Variants in ARMH1 observed in about 807,000 individuals in gnomAD.
The protein encoded by ARMH1 is armadillo-like helical domain containing protein 1.
Under a neutral mutation model 50.2 loss-of-function variants are expected in ARMH1, and 34 were observed. That is an observed-to-expected ratio of 0.68 (90% CI 0.51 to 0.90). The LOEUF is 0.90. ARMH1 is among the 40% of genes least tolerant of loss of function. The pLI is 0.00. For synonymous variants in ARMH1, 221 were observed against 224.2 expected (o/e 0.99, Z 0.13); for missense variants, 538 against 553.9 (o/e 0.97, Z 0.29).
intron 1 of ARMH1, among the ~76,000 whole-genome samples, chr1:44,676,402 A>G (rs1477374367): frequency 6.6e-6 from 1 of 152,200 alleles, no homozygotes; most frequent in Non-Finnish European, 1.5e-5. Flanking sequence ...AGCCACACCA[A>G]TAGATTTGTT....
intron 4 of ARMH1, 78 bp from the exon 5 acceptor site, chr1:44,700,845 A>G: frequency 7.9e-7 from 1 of 1,267,186 alleles, no homozygotes; most frequent in Non-Finnish European, 1.1e-6. Flanking sequence ...TTTTAATCCT[A>G]TTCATATTAT....
intron 6 of ARMH1, among the ~76,000 whole-genome samples, chr1:44,707,897 A>G (rs748989559): frequency 1.5e-4 from 23 of 152,362 alleles, no homozygotes; most frequent in Non-Finnish European, 2.8e-4. Context: ...GGATCATGTG[A>G]TAACAATGAA....
In ARMH1 at chr1:44,709,911, G is replaced by A. The variant is rs1000542082; in HGVS notation, c.724+5738G>A. 1.4e-4 allele frequency among the ~76,000 whole-genome samples: 22 copies of A among 152,246 alleles called. 1 individual carries two copies. The highest frequency in any genetic ancestry group is 1.3e-3 in the Admixed American group (20 of 15,292). ...TCCATGGTAAAATGGAACTGTTTAT[G>A]AATTTGGAAAATGGTCATTTGTAGA... is the stretch of plus-strand genomic sequence containing the variant. On this transcript the variant is annotated intron_variant, in intron 6 of 11. Transcript: ENST00000535358.
At chr1:44,721,782 A>C (rs186971141) in intron 6 of ARMH1, 128 of 152,240 alleles carry the variant, frequency 8.4e-4, no homozygotes, top group African/African-American at 2.6e-3. Flanking sequence ...GTAACAGAAC[A>C]TTCAGCCTTG....
intron 1 of ARMH1, chr1:44,689,144 A>AG (rs1645572456): frequency 6.5e-6 from 1 of 154,092 alleles, no homozygotes; most frequent in South Asian, 2.0e-4. Context: ...GCTCACTGCA[A>AG]CCCGCCTCCC....
At chr1:44,718,262 C>T (rs938190831) in intron 6 of ARMH1, among the ~76,000 whole-genome samples, 2 of 152,204 alleles carry the variant, frequency 1.3e-5, no homozygotes, top group African/African-American at 4.8e-5. Flanking sequence ...GCATTACGCA[C>T]TGCCAGCTTG....
rs554111946 is a variant in ARMH1 at position 44,724,093 on chromosome 1, C to A, written c.725-29C>A. 2 of 1,545,144 alleles carry A rather than the reference C, an allele frequency of 1.3e-6. No individual in the cohort carries two copies. ...CCTCGGTGGCGGAGGGGCCTGGGGC[C>A]TCTCTCCAGCACCTCTGCCCTTCCG... On this transcript the variant is annotated intron_variant, in intron 6 of 11. Coordinates refer to ENST00000535358, the MANE Select transcript of ARMH1 (RefSeq NM_001145636.2). This position sits in a 1 kb window ranked among gnomAD's most constrained non-coding sequence, Gnocchi z 6.4.
At chr1:44,713,881 C>T (rs780402202) in intron 6 of ARMH1, among the ~76,000 whole-genome samples, 2 of 152,170 alleles carry the variant, frequency 1.3e-5, no homozygotes, top group Admixed American at 6.6e-5. Context: ...ACCACCATAG[C>T]ACATACATTA....
chr1:44,704,083 G>A lies in ARMH1; in HGVS notation c.640-6G>A. ...AACCACCTTGTCCTGTTGTCTGTCTGGTCAGCCAATCATTGGGACCACACA... is the reference window on the plus strand; with the variant it reads ...AACCACCTTGTCCTGTTGTCTGTCTAGTCAGCCAATCATTGGGACCACACA... On this transcript the variant is annotated splice_region_variant and splice_polypyrimidine_tract_variant and intron_variant, in intron 5 of 11. Coordinates refer to ENST00000535358, the MANE Select transcript of ARMH1 (RefSeq NM_001145636.2). The A allele has an allele frequency of 1.3e-6, 2 of 1,549,002 alleles. No homozygotes were observed. The highest frequency in any genetic ancestry group is 1.7e-6 in the Non-Finnish European group (2 of 1,145,082).
At chr1:44,704,866 G>A (rs1482552158) in intron 6 of ARMH1, among the ~76,000 whole-genome samples, 3 of 130,198 alleles carry the variant, frequency 2.3e-5, no homozygotes, top group African/African-American at 8.8e-5. Flanking sequence ...ACGGAATCTC[G>A]CTCTGTCATC....
Position 44,716,851 on chromosome 1 carries a change from C to CT in ARMH1, c.725-7254dup, listed in dbSNP as rs758060030. 8.5e-3 allele frequency among the ~76,000 whole-genome samples: 1,177 copies of CT among 138,262 alleles called. 3 individuals are homozygous for CT. Among genetic ancestry groups the CT allele is most frequent in the African/African-American group, 0.015 (567 of 37,914 alleles). 90.7% of individuals were successfully genotyped at this position (138,262 alleles called of 152,430 possible). ...TTTGGAATCCGAACTATTCTTTTTT[C>CT]TTTTTTTTTTTTTTTTTGAGACGGA... On this transcript the variant is annotated intron_variant, in intron 6 of 11. Transcript: ENST00000535358.
At chr1:44,700,822 T>G in intron 4 of ARMH1, 101 bp from the exon 5 acceptor site, 1 of 1,081,470 alleles carries the variant, frequency 9.2e-7, no homozygotes. Context: ...TTGAACAGGC[T>G]TGGTTGAAGA....
At chr1:44,714,542 G>A (rs1237111752) in intron 6 of ARMH1, among the ~76,000 whole-genome samples, 1 of 150,512 alleles carries the variant, frequency 6.6e-6, no homozygotes, top group Admixed American at 6.6e-5. Flanking sequence ...CTGAGATCAC[G>A]CCATTGCACT....
rs181347518 is a variant in ARMH1, at chr1:44,702,010, T to C, written c.639+891T>C. Among the ~76,000 whole-genome samples, 443 of 151,448 alleles carry C rather than the reference T, an allele frequency of 2.9e-3. 2 individuals are homozygous for C. Among genetic ancestry groups the C allele is most frequent in the African/African-American group, 0.01 (424 of 41,230 alleles). The stretch of plus-strand genomic sequence containing the variant: ...GTCCCAGCTGCTCGGGAGGCTGTGG[T>C]GGGAGGATCGTGTGAGCCCAGGAGT... On this transcript the variant is annotated intron_variant, in intron 5 of 11. Coordinates refer to ENST00000535358, the MANE Select transcript of ARMH1 (RefSeq NM_001145636.2).
rs767792787 is a variant in ARMH1, at chr1:44,724,053, C to T, written c.725-69C>T. The T allele has an allele frequency of 1.3e-6, 2 of 1,516,414 alleles. No individual in the cohort carries two copies. The highest frequency in any genetic ancestry group is 2.5e-5 in the East Asian group (1 of 40,670). The allele number at this position is 1,516,414 out of a possible 1,614,324, so 93.9% of individuals were successfully genotyped here. The stretch of plus-strand genomic sequence containing the variant: ...CACTGACGAGTGGCGACTTGGTTCA[C>T]GGGGTTCTTTGCTTCCTCGGTGGCG... On this transcript the variant is annotated intron_variant, in intron 6 of 11. Transcript: ENST00000535358. This position sits in a 1 kb window ranked among gnomAD's most constrained non-coding sequence, Gnocchi z 6.4.
rs375292794 is a variant in ARMH1 at position 44,725,275 on chromosome 1, C to T, written c.1211-16C>T. 333 of 1,551,806 alleles carry T rather than the reference C, an allele frequency of 2.1e-4. No homozygotes were observed. The African/African-American group carries it at 4.2e-3, about 20-fold the overall frequency. ...CGCCGCCAGCACAGCCTCACGCCCG[C>T]CTTTCCTGCCTGCAGCCCTGTGCCT... is the stretch of plus-strand genomic sequence containing the variant. On this transcript the variant is annotated splice_polypyrimidine_tract_variant and intron_variant, in intron 11 of 11. Coordinates refer to ENST00000535358, the MANE Select transcript of ARMH1 (RefSeq NM_001145636.2).
intron 6 of ARMH1, among the ~76,000 whole-genome samples, chr1:44,709,440 A>AG (rs900702604): frequency 1.2e-4 from 18 of 152,278 alleles, no homozygotes; most frequent in African/African-American, 3.4e-4. Context: ...TGGGAGGCCA[A>AG]GGGGGGCGGA....
In ARMH1 at chr1:44,725,328, T is replaced by G; in HGVS notation, c.1248T>G (p.Thr416=). The G allele has an allele frequency of 6.4e-7, 1 of 1,551,616 alleles. No individual in the cohort carries two copies. The highest frequency in any genetic ancestry group is 1.4e-5 in the African/African-American group (1 of 73,124). The part of the protein sequence containing the change: ...CLHGSSYSMN[T]LYGSRDSAQM... ...ATGGCAGCTCCTACAGCATGAACAC[T>G]CTCTATGGCTCGCGCGATTCGGCTC... The change falls in exon 12 of 12, where the codon ACT becomes ACG. Residue 416 remains threonine (T), a synonymous_variant. Transcript: ENST00000535358.
chr1:44,699,235 G>A (rs1483638331), intron 4 of ARMH1, among the ~76,000 whole-genome samples: 8 of 138,368 alleles, frequency 5.8e-5, no homozygotes, highest in African/African-American at 1.1e-4. Context: ...AGTGAGCCGA[G>A]ATCGCGCCAC....
Sources: gnomAD v4.1 joint callset for allele counts (sites outside exome capture counted in the v4.1 genomes callset) on GRCh38, gnomAD v4.1.1 for gene constraint, Gnocchi (gnomAD v3.1) non-coding constraint, MANE v1.5 for transcripts, NCBI Gene and HGNC (gene_info 2026-07-23, HGNC 2026-07-21) for gene names.